Variants in B3GALT1 observed in about 807,000 individuals in gnomAD.
B3GALT1 encodes UDP-Gal:betaGlcNAc beta 1,3-galactosyltransferase, polypeptide 1.
B3GALT1 carries 10 observed loss-of-function variants against 23.2 expected under a neutral mutation model. The ratio of observed to expected loss-of-function variants is 0.43; its 90% CI spans 0.27 to 0.73. The LOEUF is 0.73. B3GALT1 is among the 30% of genes least tolerant of loss of function. B3GALT1 has a pLI of 0.21. For synonymous variants in B3GALT1, 156 were observed against 141.5 expected, an observed-to-expected ratio of 1.10 and a Z score of -0.73; for missense variants, 299 against 405.4, an observed-to-expected ratio of 0.74 and a Z score of 2.25.
intron 3 of B3GALT1, among the ~76,000 whole-genome samples, chr2:167,813,726 GCTTTGTTCAGAATAGTACC>G (rs934038305): frequency 6.6e-6 from 1 of 152,144 alleles, no homozygotes; most frequent in African/African-American, 2.4e-5. Context: ...TACATGTGCA[GCTTTGTTCAGAATAGTACC>G]CTTAAATATT....
intron 3 of B3GALT1, among the ~76,000 whole-genome samples, chr2:167,770,532 G>A (rs1281439521): frequency 6.6e-6 from 1 of 152,164 alleles, no homozygotes; most frequent in Non-Finnish European, 1.5e-5. Context: ...TTTCTCAGAT[G>A]TATGATTTGG....
At chr2:167,500,433 TTG>T (rs1223019232) in intron 2 of B3GALT1, among the ~76,000 whole-genome samples, 1 of 151,974 alleles carries the variant, frequency 6.6e-6, no homozygotes, top group Non-Finnish European at 1.5e-5. Flanking sequence ...AGAAAAAAAA[TTG>T]TGTGGGGGTG....
At chr2:167,817,645 G>A (rs1221098892) in intron 3 of B3GALT1, among the ~76,000 whole-genome samples, 3 of 151,994 alleles carry the variant, frequency 2.0e-5, no homozygotes, top group Non-Finnish European at 4.4e-5. Context: ...GTTCACATGG[G>A]GCCACACTGC....
intron 1 of B3GALT1, among the ~76,000 whole-genome samples, chr2:167,432,513 C>T (rs1293051461): frequency 6.6e-6 from 1 of 152,296 alleles, no homozygotes; most frequent in East Asian, 1.9e-4. Context: ...ACTCACTCGT[C>T]TTACTTACTA....
At chr2:167,597,085 G>C (rs906654855) in intron 2 of B3GALT1, among the ~76,000 whole-genome samples, 1 of 148,716 alleles carries the variant, frequency 6.7e-6, no homozygotes, top group African/African-American at 2.5e-5. Context: ...TGTATCCATT[G>C]TCATGTTTTT....
intron 2 of B3GALT1, among the ~76,000 whole-genome samples, chr2:167,618,318 A>G (rs760151579): frequency 2.3e-4 from 35 of 152,096 alleles, no homozygotes; most frequent in Admixed American, 1.2e-3. Flanking sequence ...GATTGCAAAG[A>G]CAGGACAAAG....
intron 2 of B3GALT1, among the ~76,000 whole-genome samples, chr2:167,505,652 C>G (rs1699907232): frequency 6.6e-6 from 1 of 152,096 alleles, no homozygotes; most frequent in Non-Finnish European, 1.5e-5. Flanking sequence ...GGAGAGCTAC[C>G]TAGAAATCAT....
At chr2:167,761,090 T>A (rs1352592074) in intron 3 of B3GALT1, among the ~76,000 whole-genome samples, 1 of 152,178 alleles carries the variant, frequency 6.6e-6, no homozygotes. Context: ...GGGTTCTAGA[T>A]CATTTTTCCA....
In B3GALT1 at chr2:167,592,396, A is replaced by G. The variant is rs574516759; in HGVS notation, c.-409-54513A>G. On this transcript the variant is annotated intron_variant, in intron 2 of 4. Coordinates refer to ENST00000392690, the MANE Select transcript of B3GALT1 (RefSeq NM_020981.4). ...CATTATGGAAGATGCTCCTAGGCAT[A>G]GGAGGGAGGTGCTGCATGTCTTTAT... 4.6e-5 allele frequency among the ~76,000 whole-genome samples: 7 copies of G among 152,258 alleles called. No individual in the cohort carries two copies. The East Asian group carries it at 1.4e-3, about 29-fold the overall frequency.
intron 2 of B3GALT1, among the ~76,000 whole-genome samples, chr2:167,578,232 A>T (rs1215838121): frequency 6.6e-6 from 1 of 151,994 alleles, no homozygotes; most frequent in East Asian, 1.9e-4. Flanking sequence ...CTCTAGCAAG[A>T]GGGACATACC....
At chr2:167,381,986 G>A (rs552372218) in intron 1 of B3GALT1, among the ~76,000 whole-genome samples, 1 of 152,304 alleles carries the variant, frequency 6.6e-6, no homozygotes, top group East Asian at 1.9e-4. Flanking sequence ...AACCAGTGCT[G>A]CCAACTGTGT....
At chr2:167,325,262 A>G (rs933338985) in intron 1 of B3GALT1, among the ~76,000 whole-genome samples, 2 of 151,774 alleles carry the variant, frequency 1.3e-5, no homozygotes, top group African/African-American at 4.8e-5. Context: ...TTGCATTGCT[A>G]TGGAGAAATA....
At chr2:167,622,174 G>A (rs938809320) in intron 2 of B3GALT1, among the ~76,000 whole-genome samples, 16 of 151,964 alleles carry the variant, frequency 1.1e-4, no homozygotes, top group Admixed American at 1.0e-3. Context: ...TCTATCACCA[G>A]CCCCAGTAGT....
chr2:167,329,500 G>A (rs1166840942), intron 1 of B3GALT1, among the ~76,000 whole-genome samples: 1 of 152,102 alleles, frequency 6.6e-6, no homozygotes, highest in Admixed American at 6.5e-5. Context: ...ATGTCTGTTA[G>A]TTCTGTTTAA....
rs542584432 is a variant in B3GALT1 at position 167,563,930 on chromosome 2, C to T, written c.-410+73653C>T. Among the ~76,000 whole-genome samples, 483 of 65,314 alleles carry T rather than the reference C, an allele frequency of 7.4e-3. 4 individuals carry two copies. The highest frequency in any genetic ancestry group is 0.038 in the Middle Eastern group (2 of 52). 42.8% of individuals were successfully genotyped at this position (65,314 alleles called of 152,430 possible). A position where few individuals can be genotyped will look rare whatever the true frequency, so the allele number is the denominator to read the frequency against. ...CCGATCCCCCCACCTCCCTCCCAGA[C>T]GGGGCGGCTGGCCAGGCGGGGCCGA... is the stretch of plus-strand genomic sequence containing the variant. On this transcript the variant is annotated intron_variant, in intron 2 of 4. Transcript: ENST00000392690.
In B3GALT1 at chr2:167,862,395, G is replaced by A. The variant is rs1350046413; in HGVS notation, c.-229-6416G>A. The stretch of plus-strand genomic sequence containing the variant: ...GGAGATGCATGTCACAGCTTAAGCA[G>A]AGAGAGCAAATTAGCCCTTCCTCTA... On this transcript the variant is annotated intron_variant, in intron 4 of 4. Coordinates refer to ENST00000392690, the MANE Select transcript of B3GALT1 (RefSeq NM_020981.4). Among the ~76,000 whole-genome samples the A allele has an allele frequency of 3.9e-5, 6 of 152,218 alleles. 1 individual carries two copies. The highest frequency in any genetic ancestry group is 1.4e-4 in the African/African-American group (6 of 41,460).
chr2:167,826,811 A>G (rs1439950181), intron 4 of B3GALT1, among the ~76,000 whole-genome samples: 1 of 152,258 alleles, frequency 6.6e-6, no homozygotes, highest in African/African-American at 2.4e-5. Context: ...AACTATTTAC[A>G]TAACATTTAC....
chr2:167,818,329 G>T (rs923773455), intron 3 of B3GALT1, among the ~76,000 whole-genome samples: 1 of 152,124 alleles, frequency 6.6e-6, no homozygotes, highest in Non-Finnish European at 1.5e-5. Context: ...CTGAGCAGTA[G>T]CTGCCCCTTC....
chr2:167,605,976 G>C (rs921286057), intron 2 of B3GALT1, among the ~76,000 whole-genome samples: 3 of 152,140 alleles, frequency 2.0e-5, no homozygotes, highest in Admixed American at 1.3e-4. Context: ...GCATGTATTA[G>C]GTCAATTGGA....
Sources: gnomAD v4.1 joint callset for allele counts (sites outside exome capture counted in the v4.1 genomes callset) on GRCh38, gnomAD v4.1.1 for gene constraint, MANE v1.5 for transcripts, NCBI Gene and HGNC (gene_info 2026-07-23, HGNC 2026-07-21) for gene names.